Variants in MAP4K5 observed in about 807,000 individuals in gnomAD.
MAP4K5 encodes the protein mitogen-activated protein kinase kinase kinase kinase 5.
A neutral mutation model predicts 135.6 loss-of-function variants in MAP4K5; 82 were observed. That is an observed-to-expected ratio of 0.60 (90% CI 0.51 to 0.73). The LOEUF (loss-of-function observed/expected upper bound fraction) is 0.73, where lower values mean the gene tolerates loss of function less well. Among genes scored for constraint, MAP4K5 ranks in the 30% least tolerant of loss-of-function variants. The pLI, the probability that MAP4K5 is intolerant of heterozygous loss-of-function variation, is 0.00. For synonymous variants in MAP4K5, 347 were observed against 335.0 expected (o/e 1.04, Z -0.39); for missense variants, 907 against 1,010.9 (o/e 0.90, Z 1.39).
chr14:50,508,280 T>C (rs1595527479), intron 2 of MAP4K5, among the ~76,000 whole-genome samples: 1 of 152,138 alleles, frequency 6.6e-6, no homozygotes, highest in South Asian at 2.1e-4. Flanking sequence ...ATGTTTATTG[T>C]GGCACTATTC....
chr14:50,423,261 AAC>A, intron 31 of MAP4K5, 85 bp from the exon 32 acceptor site: 1 of 591,488 alleles, frequency 1.7e-6, no homozygotes, highest in Middle Eastern at 2.7e-4. Context: ...AGCAATTATT[AAC>A]ACAATAAATA....
chr14:50,548,147 G>C (rs370023874), intron 1 of MAP4K5, among the ~76,000 whole-genome samples: 1 of 152,144 alleles, frequency 6.6e-6, no homozygotes, highest in African/African-American at 2.4e-5. Flanking sequence ...GGTCAACTAA[G>C]ACATGAAACA....
At chr14:50,421,766 G>T (rs1659466029) in intron 32 of MAP4K5, among the ~76,000 whole-genome samples, 1 of 152,016 alleles carries the variant, frequency 6.6e-6, no homozygotes, top group African/African-American at 2.4e-5. Context: ...TCTGAGCAGA[G>T]TAGGTAGAAG....
intron 28 of MAP4K5, among the ~76,000 whole-genome samples, chr14:50,431,616 T>C (rs952324538): frequency 3.9e-5 from 6 of 152,012 alleles, no homozygotes; most frequent in Non-Finnish European, 8.8e-5. Context: ...TATTCCATGG[T>C]GTATATGTGC....
At chr14:50,458,541 C>T (rs933909170) in intron 13 of MAP4K5, among the ~76,000 whole-genome samples, 1 of 152,206 alleles carries the variant, frequency 6.6e-6, no homozygotes, top group African/African-American at 2.4e-5. Context: ...TCATCAAACA[C>T]TAACCACCTA....
chr14:50,529,129 T>C (rs1377691365), intron 2 of MAP4K5, among the ~76,000 whole-genome samples: 1 of 152,072 alleles, frequency 6.6e-6, no homozygotes, highest in Admixed American at 6.5e-5. Flanking sequence ...ATGCCTGTAA[T>C]TTCAATACTT....
intron 1 of MAP4K5, among the ~76,000 whole-genome samples, chr14:50,552,865 A>G (rs775961196): frequency 6.6e-6 from 1 of 152,362 alleles, no homozygotes; most frequent in Non-Finnish European, 1.5e-5. Flanking sequence ...TCAACTCAAG[A>G]TGGATCAAAG....
At chr14:50,526,357 T>G (rs1019450786) in intron 2 of MAP4K5, among the ~76,000 whole-genome samples, 1 of 152,210 alleles carries the variant, frequency 6.6e-6, no homozygotes, top group East Asian at 1.9e-4. Context: ...TGGAGTGAAG[T>G]GGCGCAATCT....
chr14:50,493,967 G>A (rs548429541), intron 3 of MAP4K5, among the ~76,000 whole-genome samples: 1 of 150,066 alleles, frequency 6.7e-6, no homozygotes, highest in Admixed American at 6.6e-5. Context: ...CAGCCTGGGC[G>A]ACAGAGTGAG....
At chr14:50,560,452 G>A (rs1042973895) in intron 1 of MAP4K5, 1 of 1,041,604 alleles carries the variant, frequency 9.6e-7, no homozygotes, top group African/African-American at 1.6e-5. Context: ...TGTTTGGGCG[G>A]AGGAACCATG....
chr14:50,503,843 G>T lies in MAP4K5; in HGVS notation c.166+957C>A, dbSNP rs895220555. On this transcript the variant is annotated intron_variant, in intron 3 of 32. Coordinates refer to ENST00000682126, the MANE Select transcript of MAP4K5 (RefSeq NM_006575.6). ...ATCCTTGAACATAATTTGAATATTT[G>T]CTCTAGTGACTTTTCCAGGACAGGC... Among the ~76,000 whole-genome samples, 20 of 152,000 alleles carry T rather than the reference G, an allele frequency of 1.3e-4. 1 individual carries two copies. Among genetic ancestry groups the T allele is most frequent in the Admixed American group, 5.2e-4 (8 of 15,252 alleles).
intron 6 of MAP4K5, among the ~76,000 whole-genome samples, chr14:50,478,512 A>C (rs1217749937): frequency 1.3e-5 from 2 of 151,930 alleles, no homozygotes; most frequent in African/African-American, 4.8e-5. Context: ...TGATTTTGAG[A>C]GCTTCTGTTT....
chr14:50,458,877 T>C (rs1420383121), intron 13 of MAP4K5, among the ~76,000 whole-genome samples: 1 of 152,156 alleles, frequency 6.6e-6, no homozygotes, highest in Non-Finnish European at 1.5e-5. Context: ...GGCACAATCA[T>C]GGCTCACTGC....
In MAP4K5 at chr14:50,462,377, A is replaced by G. The variant is rs568264511; in HGVS notation, c.936+288T>C. On this transcript the variant is annotated intron_variant, in intron 13 of 32. Transcript: ENST00000682126. ...CCCCTGATTTCAATCTCAGCTACCA[A>G]AACTTCAGGCTAACCAAACTAAGAA... Among the ~76,000 whole-genome samples, 15 of 152,326 alleles carry G rather than the reference A, an allele frequency of 9.8e-5. No individual in the cohort carries two copies. The South Asian group carries it at 3.1e-3, about 32-fold the overall frequency.
chr14:50,490,934 T>G (rs1010644237), intron 3 of MAP4K5, among the ~76,000 whole-genome samples: 1 of 152,198 alleles, frequency 6.6e-6, no homozygotes, highest in Admixed American at 6.5e-5. Context: ...TAGAGTTTCC[T>G]AATACTATCT....
At chr14:50,432,744 CAA>C (rs959194963) in intron 28 of MAP4K5, among the ~76,000 whole-genome samples, 2 of 142,398 alleles carry the variant, frequency 1.4e-5, no homozygotes. Flanking sequence ...TGCTGATGAG[CAA>C]AAAAAAAAAG....
intron 11 of MAP4K5, 45 bp from the exon 12 acceptor site, chr14:50,464,178 G>T: frequency 1.1e-6 from 1 of 917,838 alleles, no homozygotes; most frequent in Non-Finnish European, 1.7e-6. Flanking sequence ...CTACTATTAC[G>T]TTTCGGTGTT....
In MAP4K5 at chr14:50,445,146, C is replaced by T. The variant is rs1286083677; in HGVS notation, c.1234G>A (p.Ala412Thr). 1.2e-6 allele frequency: 2 copies of T among 1,613,400 alleles called. No homozygotes were observed. Among genetic ancestry groups the T allele is most frequent in the African/African-American group, 1.3e-5 (1 of 74,904 alleles). ...PEDNFPDEEK[A>T]STIKHCPDSE... Reference sequence around the variant, plus strand: ...TCAGGACAATGTTTTATGGTTGATGCTTTTTCTTCATCCGGAAAGTTGTCT... The same window carrying T: ...TCAGGACAATGTTTTATGGTTGATGTTTTTTCTTCATCCGGAAAGTTGTCT... The change falls in exon 18 of 33, where the codon GCA (alanine) becomes ACA (threonine). Residue 412 changes from alanine (A) to threonine (T), a missense_variant. Ala to Thr is a moderately conservative substitution (Grantham distance 58). This residue lies in a region of MAP4K5 where 690 missense variants were observed against 777.4 expected (regional missense o/e 0.89). Coordinates refer to ENST00000682126, the MANE Select transcript of MAP4K5 (RefSeq NM_006575.6).
At chr14:50,428,316 C>T (rs2035891160) in intron 30 of MAP4K5, among the ~76,000 whole-genome samples, 1 of 151,928 alleles carries the variant, frequency 6.6e-6, no homozygotes, top group Admixed American at 6.6e-5. Context: ...AATGCAATGG[C>T]ATGATCTCAG....
Sources: gnomAD v4.1 joint callset for allele counts (sites outside exome capture counted in the v4.1 genomes callset) on GRCh38, gnomAD v4.1.1 for gene constraint, gnomAD v4.1.1 regional missense constraint, MANE v1.5 for transcripts, NCBI Gene and HGNC (gene_info 2026-07-23, HGNC 2026-07-21) for gene names.